The following SAMD11 variants were observed in gnomAD, a reference collection of about 807,000 sequenced individuals.
The protein encoded by SAMD11 is sterile alpha motif domain containing 11.
SAMD11 carries 77 observed loss-of-function variants against 64.4 expected under a neutral mutation model. The observed-to-expected ratio is 1.20, with a 90% CI of 0.99 to 1.44. SAMD11 has a LOEUF of 1.44. SAMD11 is among the 40% of genes most tolerant of loss of function. The pLI, the probability that SAMD11 is intolerant of heterozygous loss-of-function variation, is 0.00. For synonymous variants in SAMD11, 658 were observed against 421.9 expected (o/e 1.56, Z -6.86); for missense variants, 1,402 against 943.3 (o/e 1.49, Z -6.37).
Position 943,363 on chromosome 1 carries a change from GGA to G in SAMD11, c.2168_2169del (p.Glu723ValfsTer180). On this transcript the variant is annotated frameshift_variant, in exon 12 of 14. Coordinates refer to ENST00000616016, the MANE Select transcript of SAMD11 (RefSeq NM_001385641.1). LOFTEE classifies it high-confidence loss of function. ...CTTCGTGGGGGGCCTGTCTGGCTGTGGAGAGTACACTCGGGTAAGGGGGGGCC... is the reference window on the plus strand; with the variant it reads ...CTTCGTGGGGGGCCTGTCTGGCTGTGGAGTACACTCGGGTAAGGGGGGGCC... ...CSFVGGLSGC[G>X]EYTRVFREQG... is the part of the protein sequence containing the mutation. The G allele has an allele frequency of 6.4e-7, 1 of 1,574,228 alleles. No individual in the cohort carries two copies. The highest frequency in any genetic ancestry group is 1.2e-5 in the South Asian group (1 of 86,016).
In SAMD11 at chr1:939,255, C is replaced by T; in HGVS notation, c.1058-20C>T. On this transcript the variant is annotated intron_variant, in intron 6 of 13. Coordinates refer to ENST00000616016, the MANE Select transcript of SAMD11 (RefSeq NM_001385641.1). ...CGGCAGTGCCTGGAGAAACCTCTCA[C>T]CCCGGGTCCTCCCCAGCAGAGGCGC... 1.3e-6 allele frequency: 2 copies of T among 1,577,670 alleles called. No individual in the cohort carries two copies. Among genetic ancestry groups the T allele is most frequent in the Non-Finnish European group, 1.7e-6 (2 of 1,161,458 alleles).
rs550605148 is a variant in SAMD11 at position 928,163 on chromosome 1, G to A, written c.610-1992G>A. Among the ~76,000 whole-genome samples, 11 of 152,348 alleles carry A rather than the reference G, an allele frequency of 7.2e-5. 1 individual carries two copies. In the East Asian group the frequency reaches 1.5e-3, roughly 21 times the overall value. On this transcript the variant is annotated intron_variant, in intron 2 of 13. Transcript: ENST00000616016. Reference sequence around the variant, plus strand: ...AATCCCAGCACTTTGGGAGGCCGAGGCGGGCGGATCACGAGGTCAGGAGAT... The same window carrying A: ...AATCCCAGCACTTTGGGAGGCCGAGACGGGCGGATCACGAGGTCAGGAGAT...
chr1:927,980 C>G lies in SAMD11; in HGVS notation c.609+1967C>G, dbSNP rs568926072. ...CTGAGGCTGGTATACAGCCTGGGCT[C>G]CATTCCCAGCCAGCCCTGGCCTCCT... is the stretch of plus-strand genomic sequence containing the variant. On this transcript the variant is annotated intron_variant, in intron 2 of 13. Coordinates refer to ENST00000616016, the MANE Select transcript of SAMD11 (RefSeq NM_001385641.1). Among the ~76,000 whole-genome samples, 394 of 152,332 alleles carry G rather than the reference C, an allele frequency of 2.6e-3. 2 individuals are homozygous for G. The highest frequency in any genetic ancestry group is 4.8e-3 in the Non-Finnish European group (329 of 68,024).
rs767699918 is a variant in SAMD11 at position 944,145 on chromosome 1, CTG to C, written c.2531_2532del (p.Cys844LeufsTer59). The stretch of plus-strand genomic sequence containing the variant: ...AGGGGCCCCCGACCCTTCCCAGCCT[CTG>C]TGTTGAGGTTGCCGGGGGTAGGGGT... ...LPGAPDPSQP[L>X]C is the part of the protein sequence containing the mutation. On this transcript the variant is annotated frameshift_variant, in exon 14 of 14. Transcript: ENST00000616016. LOFTEE classifies it high-confidence loss of function. 1.9e-6 allele frequency: 3 copies of C among 1,568,486 alleles called. No homozygotes were observed. The highest frequency in any genetic ancestry group is 2.3e-5 in the East Asian group (1 of 44,334).
At chr1:940,959 A>T (rs1641727122) in intron 7 of SAMD11, 185 bp from the exon 8 acceptor site, 1 of 530,376 alleles carries the variant, frequency 1.9e-6, no homozygotes. Context: ...CTCGCCCAGC[A>T]TCTTGTCTGC....
chr1:932,270 C>T (rs1206912676), intron 4 of SAMD11, among the ~76,000 whole-genome samples: 3 of 152,158 alleles, frequency 2.0e-5, no homozygotes, highest in Non-Finnish European at 4.4e-5. Context: ...TCCCCCCGAC[C>T]CCGCTCCAGT....
Position 944,114 on chromosome 1 carries a change from ACTT to A in SAMD11, c.2498_2500del (p.Leu833del). On this transcript the variant is annotated inframe_deletion, in exon 14 of 14. Transcript: ENST00000616016. Reference sequence around the variant, plus strand: ...AGCAGGAGAATGGGACCTTGGCTCTACTTCCAGGGGCCCCCGACCCTTCCCAGC... The same window carrying A: ...AGCAGGAGAATGGGACCTTGGCTCTACCAGGGGCCCCCGACCCTTCCCAGC... 6.2e-7 allele frequency: 1 copy of A among 1,604,800 alleles called. No homozygotes were observed. Among genetic ancestry groups the A allele is most frequent in the Non-Finnish European group, 8.5e-7 (1 of 1,175,138 alleles).
chr1:942,384 CCCCGCGTT>C lies in SAMD11; in HGVS notation c.1475-25_1475-18del. On this transcript the variant is annotated intron_variant, in intron 9 of 13. Coordinates refer to ENST00000616016, the MANE Select transcript of SAMD11 (RefSeq NM_001385641.1). ...GCTCGGACCGCCTCGGACCCCCCGA[CCCCGCGTT>C]GTCCCCCTCCCCACCAGGCTACGGC... 1 of 1,345,776 alleles carries C rather than the reference CCCCGCGTT, an allele frequency of 7.4e-7. No individual in the cohort carries two copies. Among genetic ancestry groups the C allele is most frequent in the Non-Finnish European group, 9.9e-7 (1 of 1,009,742 alleles). The allele number at this position is 1,345,776 out of a possible 1,614,324, so 83.4% of individuals were successfully genotyped here.
intron 2 of SAMD11, among the ~76,000 whole-genome samples, chr1:929,424 G>A (rs935861780): frequency 1.3e-5 from 2 of 152,248 alleles, no homozygotes; most frequent in African/African-American, 4.8e-5. Flanking sequence ...TGTGAGCCCC[G>A]GGGCCTGCAG....
chr1:936,624 G>T (rs1439244089), intron 5 of SAMD11, among the ~76,000 whole-genome samples: 1 of 152,104 alleles, frequency 6.6e-6, no homozygotes, highest in Non-Finnish European at 1.5e-5. Flanking sequence ...GGGGCGCCCC[G>T]AGGCCCTGTG....
chr1:942,236 C>A lies in SAMD11; in HGVS notation c.1459C>A (p.Leu487Met). The change falls in exon 9 of 14, where the codon CTG becomes ATG. Residue 487 changes from leucine (L) to methionine (M), a missense_variant. Transcript: ENST00000616016. ...CCCCTTCCTGGGGGTGCCCTCGGCT[C>A]TGTGCCAGACCCCAGGTGAGGAGGC... ...RPPFLGVPSALCQTPGYGFLP... is the reference protein window; with the variant it reads ...RPPFLGVPSAMCQTPGYGFLP... The A allele has an allele frequency of 7.5e-7, 1 of 1,331,022 alleles. No homozygotes were observed. The highest frequency in any genetic ancestry group is 9.7e-7 in the Non-Finnish European group (1 of 1,026,750). The allele number at this position is 1,331,022 out of a possible 1,614,324, so 82.5% of individuals were successfully genotyped here. A position where few individuals can be genotyped will look rare whatever the true frequency, so the allele number is the denominator to read the frequency against.
intron 8 of SAMD11, among the ~76,000 whole-genome samples, chr1:941,700 G>A (rs1196257850): frequency 2.0e-5 from 3 of 152,126 alleles, no homozygotes; most frequent in Admixed American, 6.5e-5. Context: ...CACAGACCCG[G>A]GTTTCTCGGG....
At position 942,132 on chromosome 1, in the gene SAMD11, A is replaced by G. The variant is rs1320433597; in HGVS notation, c.1359-4A>G. The G allele has an allele frequency of 7.7e-7, 1 of 1,291,796 alleles. No individual in the cohort carries two copies. Among genetic ancestry groups the G allele is most frequent in the South Asian group, 1.5e-5 (1 of 67,918 alleles). The allele number at this position is 1,291,796 out of a possible 1,614,324, so 80.0% of individuals were successfully genotyped here. On this transcript the variant is annotated splice_region_variant and splice_polypyrimidine_tract_variant and intron_variant, in intron 8 of 13. Coordinates refer to ENST00000616016, the MANE Select transcript of SAMD11 (RefSeq NM_001385641.1). ...GACGCCGCTCATTGCGCTGCCGTCC[A>G]CAGGGAGCTGCCTCAGCCGCCCCCC...
At position 935,875 on chromosome 1, in the gene SAMD11, G is replaced by A. The variant is rs771859258; in HGVS notation, c.946G>A (p.Glu316Lys). 3 of 1,612,820 alleles carry A rather than the reference G, an allele frequency of 1.9e-6. No homozygotes were observed. The highest frequency in any genetic ancestry group is 3.3e-4 in the Middle Eastern group (2 of 6,054). The change falls in exon 5 of 14, where the codon GAG becomes AAG. Residue 316 changes from glutamate (E) to lysine (K), a missense_variant. Glu to Lys is a moderately conservative substitution (Grantham distance 56, BLOSUM62 1). Transcript: ENST00000616016. ...CTGTGAATTCCAGAGAGGCAGCCTG[G>A]AGATTGGCCTGCGACCCGCCGGTGA... ...SRCEFQRGSLEIGLRPAGDLL... is the reference protein window; with the variant it reads ...SRCEFQRGSLKIGLRPAGDLL...
chr1:943,633 G>A (rs1329016226), intron 12 of SAMD11, 65 bp from the exon 13 acceptor site: 1 of 1,436,388 alleles, frequency 7.0e-7, no homozygotes, highest in African/African-American at 1.5e-5. Context: ...AGCTCCTCTT[G>A]GCTCTGCTGG....
chr1:925,707 G>A, intron 1 of SAMD11: 1 of 508,328 alleles, frequency 2.0e-6, no homozygotes. Context: ...CGTCGGGGGA[G>A]GGCGCTCCAC....
intron 4 of SAMD11, among the ~76,000 whole-genome samples, chr1:932,701 G>T (rs1641226923): frequency 6.6e-6 from 1 of 152,186 alleles, no homozygotes; most frequent in Non-Finnish European, 1.5e-5. Context: ...GTGTTCATTT[G>T]CTCCCGTCCA....
intron 2 of SAMD11, among the ~76,000 whole-genome samples, chr1:927,414 C>A (rs1640945699): frequency 6.6e-6 from 1 of 152,120 alleles, no homozygotes; most frequent in Non-Finnish European, 1.5e-5. Context: ...AGCATCTCCT[C>A]CCCACCCCGT....
At chr1:935,103 G>A (rs1641360751) in intron 4 of SAMD11, among the ~76,000 whole-genome samples, 2 of 152,136 alleles carry the variant, frequency 1.3e-5, no homozygotes, top group Non-Finnish European at 2.9e-5. Context: ...CTGGGACTCT[G>A]TGGATGTGGG....
Sources: gnomAD v4.1 joint callset for allele counts (sites outside exome capture counted in the v4.1 genomes callset) on GRCh38, gnomAD v4.1.1 for gene constraint, MANE v1.5 for transcripts, NCBI Gene and HGNC (gene_info 2026-07-23, HGNC 2026-07-21) for gene names.